The following LPP variants were observed in gnomAD, a reference collection of about 807,000 sequenced individuals.
The protein encoded by LPP is lipoma-preferred partner.
A neutral mutation model predicts 60.4 loss-of-function variants in LPP; 38 were observed. That is an observed-to-expected ratio of 0.63 (90% CI 0.49 to 0.83). The LOEUF (loss-of-function observed/expected upper bound fraction) is 0.83, where lower values mean the gene tolerates loss of function less well. Ranked by LOEUF, LPP falls within the 40% of genes least tolerant of loss-of-function variation. The pLI is 0.00. For synonymous variants in LPP, 328 were observed against 290.8 expected, an observed-to-expected ratio of 1.13 and a Z score of -1.30; for missense variants, 902 against 783.6, an observed-to-expected ratio of 1.15 and a Z score of -1.80.
At chr3:188,736,160 G>A (rs1021374910) in intron 8 of LPP, among the ~76,000 whole-genome samples, 20 of 152,114 alleles carry the variant, frequency 1.3e-4, no homozygotes, top group Non-Finnish European at 1.5e-5. Flanking sequence ...GATCTGTACT[G>A]AGAACAGATT....
chr3:188,879,532 A>T lies in LPP; in HGVS notation c.*5053A>T, dbSNP rs886973562. 1.5e-5 allele frequency: 3 copies of T among 195,796 alleles called. No individual in the cohort carries two copies. The highest frequency in any genetic ancestry group is 1.9e-4 in the South Asian group (1 of 5,188). The allele number at this position is 195,796 out of a possible 1,614,324, so 12.1% of individuals were successfully genotyped here. On this transcript the variant is annotated 3_prime_UTR_variant, in exon 12 of 12. Transcript: ENST00000617246. ...TTCTGTTTCATGTTAATGAATTTTCATCAGGGACTGAGGTCATAGATTCTT... is the reference window on the plus strand; with the variant it reads ...TTCTGTTTCATGTTAATGAATTTTCTTCAGGGACTGAGGTCATAGATTCTT...
At chr3:188,266,508 AGAG>A (rs1341300621) in intron 2 of LPP, among the ~76,000 whole-genome samples, 24 of 150,894 alleles carry the variant, frequency 1.6e-4, no homozygotes, top group Non-Finnish European at 3.5e-4. Context: ...ACAGAAGAGA[AGAG>A]GAGAGGGGAG....
chr3:188,512,458 A>G (rs1472021991), intron 5 of LPP, among the ~76,000 whole-genome samples: 2 of 139,998 alleles, frequency 1.4e-5, no homozygotes, highest in Non-Finnish European at 3.2e-5. Flanking sequence ...AGGCTTAGGC[A>G]GGAGAATTGC....
At chr3:188,529,510 G>A (rs1381409021) in intron 6 of LPP, among the ~76,000 whole-genome samples, 2 of 152,190 alleles carry the variant, frequency 1.3e-5, no homozygotes, top group African/African-American at 4.8e-5. Context: ...TGTTTATATG[G>A]TAAGAGGTTC....
intron 6 of LPP, among the ~76,000 whole-genome samples, chr3:188,547,959 G>T (rs140969770): frequency 1.3e-5 from 2 of 152,264 alleles, no homozygotes; most frequent in South Asian, 4.1e-4. Context: ...CCACTCAACT[G>T]CAGTGTGCTT....
At chr3:188,383,605 TGAA>T (rs935052265) in intron 3 of LPP, among the ~76,000 whole-genome samples, 5 of 152,166 alleles carry the variant, frequency 3.3e-5, no homozygotes, top group African/African-American at 9.6e-5. Context: ...TCAAAAGCAA[TGAA>T]GAAGACCACT....
At chr3:188,691,350 G>C (rs1452516615) in intron 7 of LPP, among the ~76,000 whole-genome samples, 1 of 152,192 alleles carries the variant, frequency 6.6e-6, no homozygotes, top group South Asian at 2.1e-4. Context: ...GCTCTACTTA[G>C]AAATCTGTGC....
intron 2 of LPP, among the ~76,000 whole-genome samples, chr3:188,226,767 G>A (rs572114906): frequency 6.6e-6 from 1 of 152,060 alleles, no homozygotes; most frequent in Non-Finnish European, 1.5e-5. Flanking sequence ...ATGCCATTGT[G>A]ATTGAAAAAA....
chr3:188,702,630 C>T (rs539946506), intron 7 of LPP, among the ~76,000 whole-genome samples: 3 of 152,276 alleles, frequency 2.0e-5, no homozygotes, highest in African/African-American at 7.2e-5. Flanking sequence ...TAAAATCTGT[C>T]GCTCAGTAAC....
chr3:188,584,329 A>G (rs1268398245), intron 6 of LPP: 6 of 152,178 alleles, frequency 3.9e-5, no homozygotes, highest in Admixed American at 2.6e-4. Context: ...GGTGAGCTGC[A>G]GGAAAAGTAA....
At chr3:188,236,290 G>C (rs1721901605) in intron 2 of LPP, among the ~76,000 whole-genome samples, 1 of 152,144 alleles carries the variant, frequency 6.6e-6, no homozygotes, top group Non-Finnish European at 1.5e-5. Context: ...AAATTCACTG[G>C]CCTGAGAAGG....
chr3:188,423,122 A>G (rs940814847), intron 4 of LPP, among the ~76,000 whole-genome samples: 1 of 151,142 alleles, frequency 6.6e-6, no homozygotes, highest in Non-Finnish European at 1.5e-5. Context: ...CTGACAGGAC[A>G]TAGTGTGTGA....
At chr3:188,543,607 C>A (rs1166856885) in intron 6 of LPP, among the ~76,000 whole-genome samples, 2 of 152,100 alleles carry the variant, frequency 1.3e-5, no homozygotes, top group Non-Finnish European at 2.9e-5. Context: ...GGAGTCTATC[C>A]TCAGTTATTT....
intron 5 of LPP, among the ~76,000 whole-genome samples, chr3:188,505,098 A>T (rs1221679014): frequency 1.3e-5 from 2 of 152,196 alleles, no homozygotes; most frequent in Non-Finnish European, 2.9e-5. Flanking sequence ...ATTAACCACA[A>T]CTTACCATCT....
intron 4 of LPP, among the ~76,000 whole-genome samples, chr3:188,457,460 T>C (rs938178139): frequency 6.6e-6 from 1 of 152,106 alleles, no homozygotes; most frequent in Non-Finnish European, 1.5e-5. Flanking sequence ...TTAGAATTTG[T>C]CTAGGAAGCA....
Position 188,352,713 on chromosome 3 carries a change from G to A in LPP, c.-10+10994G>A, listed in dbSNP as rs918306655. 6.7e-6 allele frequency among the ~76,000 whole-genome samples: 1 copy of A among 149,832 alleles called. No homozygotes were observed. Among genetic ancestry groups the A allele is most frequent in the Admixed American group, 6.7e-5 (1 of 14,988 alleles). On this transcript the variant is annotated intron_variant, in intron 3 of 11. Coordinates refer to ENST00000617246, the MANE Select transcript of LPP (RefSeq NM_001375462.1). This position sits in a 1 kb window ranked among gnomAD's most constrained non-coding sequence, Gnocchi z 4.4. ...TTGTTGATGTTCCAGCTGCATGCAC[G>A]GCACTGAGCCCTGCCTGAGTGCGCA...
At chr3:188,175,497 A>G (rs954450650) in intron 1 of LPP, among the ~76,000 whole-genome samples, 10 of 152,218 alleles carry the variant, frequency 6.6e-5, no homozygotes, top group African/African-American at 2.4e-4. Flanking sequence ...AGCAGTAAAC[A>G]GTCCATTTGT....
intron 6 of LPP, among the ~76,000 whole-genome samples, chr3:188,606,525 T>C (rs1842407994): frequency 6.6e-6 from 1 of 152,262 alleles, no homozygotes. Flanking sequence ...AACTTGTCAT[T>C]TACTTTTGTA....
At chr3:188,450,879 G>A (rs540538237) in intron 4 of LPP, among the ~76,000 whole-genome samples, 1 of 152,250 alleles carries the variant, frequency 6.6e-6, no homozygotes, top group Admixed American at 6.5e-5. Context: ...CTCAAAGTGA[G>A]GTAGTCATAT....
Sources: allele counts gnomAD v4.1 joint callset (sites outside exome capture counted in the v4.1 genomes callset), GRCh38; gene constraint gnomAD v4.1.1; non-coding constraint Gnocchi (gnomAD v3.1); transcripts MANE v1.5; gene names NCBI Gene and HGNC (gene_info 2026-07-23, HGNC 2026-07-21).